The following ZC3H13 variants were observed in gnomAD, a reference collection of about 807,000 sequenced individuals.
ZC3H13 encodes the protein zinc finger CCCH-type containing 13, also known as zinc finger CCCH domain-containing protein 13.
Under a neutral mutation model 204.1 loss-of-function variants are expected in ZC3H13, and 64 were observed. The ratio of observed to expected loss-of-function variants is 0.31; its 90% confidence interval spans 0.26 to 0.39. The LOEUF is 0.39. Among genes scored for constraint, ZC3H13 ranks in the 10% least tolerant of loss-of-function variants. ZC3H13 has a pLI of 1.00. For synonymous variants in ZC3H13, 667 were observed against 693.7 expected (o/e 0.96, Z 0.60); for missense variants, 1,833 against 2,082.7 (o/e 0.88, Z 2.33).
chr13:46,000,499 G>A (rs1214362839), intron 8 of ZC3H13, among the ~76,000 whole-genome samples: 1 of 152,092 alleles, frequency 6.6e-6, no homozygotes, highest in Non-Finnish European at 1.5e-5. Flanking sequence ...CTTTTTTCCT[G>A]CAGCTTCCTT....
chr13:45,968,148 T>C, intron 14 of ZC3H13, 120 bp from the exon 15 acceptor site: 1 of 966,678 alleles, frequency 1.0e-6, no homozygotes, highest in Non-Finnish European at 1.5e-6. Flanking sequence ...TGTAACTTTC[T>C]ATGTTCCATA....
At chr13:46,033,246 G>A (rs780321610) in intron 4 of ZC3H13, among the ~76,000 whole-genome samples, 1 of 151,934 alleles carries the variant, frequency 6.6e-6, no homozygotes, top group Non-Finnish European at 1.5e-5. Flanking sequence ...TATCAATTTG[G>A]TGGTTTAACC....
At chr13:45,992,055 T>G (rs974218447) in intron 8 of ZC3H13, among the ~76,000 whole-genome samples, 1 of 152,204 alleles carries the variant, frequency 6.6e-6, no homozygotes, top group Non-Finnish European at 1.5e-5. Flanking sequence ...GCTTACATAA[T>G]GCACTAACAT....
At chr13:46,016,741 A>G (rs964129614) in intron 5 of ZC3H13, among the ~76,000 whole-genome samples, 1 of 152,202 alleles carries the variant, frequency 6.6e-6, no homozygotes, top group Non-Finnish European at 1.5e-5. Context: ...ATACTTCAGT[A>G]GAAAAACTTT....
intron 4 of ZC3H13, among the ~76,000 whole-genome samples, chr13:46,040,392 T>A (rs1304394981): frequency 6.6e-6 from 1 of 152,052 alleles, no homozygotes; most frequent in Non-Finnish European, 1.5e-5. Flanking sequence ...GATATCCACA[T>A]GCAAAAGAAT....
At chr13:46,032,650 A>AT (rs1481950706) in intron 4 of ZC3H13, among the ~76,000 whole-genome samples, 5 of 152,176 alleles carry the variant, frequency 3.3e-5, no homozygotes, top group Admixed American at 6.5e-5. Flanking sequence ...CTAGAGATTT[A>AT]TATTTCCCTA....
chr13:45,957,196 T>C lies in ZC3H13; in HGVS notation c.4941A>G (p.Pro1647=). 2 of 1,549,160 alleles carry C rather than the reference T, an allele frequency of 1.3e-6. No individual in the cohort carries two copies. The highest frequency in any genetic ancestry group is 1.7e-6 in the Non-Finnish European group (2 of 1,146,230). Residue 1647 remains proline (P), a synonymous_variant, in exon 19 of 19, where the codon CCA becomes CCG. Coordinates refer to ENST00000679008, the MANE Select transcript of ZC3H13 (RefSeq NM_001330564.2). ...TATTATCTTCAGTCTTTTCATGTCC[T>C]GGAGCATGGCAAGTAGTCTTCCGCT... The part of the protein sequence containing the change: ...LFKRKTTCHA[P]GHEKTEDNKL...
intron 5 of ZC3H13, among the ~76,000 whole-genome samples, chr13:46,012,299 C>A (rs184961722): frequency 1.3e-5 from 2 of 152,068 alleles, no homozygotes; most frequent in Admixed American, 1.3e-4. Context: ...GGCACTAGCA[C>A]CCAAACCCAT....
intron 4 of ZC3H13, among the ~76,000 whole-genome samples, chr13:46,036,026 T>A (rs2043187691): frequency 6.6e-6 from 1 of 152,008 alleles, no homozygotes; most frequent in Admixed American, 6.6e-5. Flanking sequence ...CTCACAACTG[T>A]AATCCCAACA....
chr13:46,010,525 G>A lies in ZC3H13; in HGVS notation c.589-20C>T, dbSNP rs754293769. The A allele has an allele frequency of 1.0e-4, 159 of 1,596,836 alleles. No homozygotes were observed. Among genetic ancestry groups the A allele is most frequent in the Non-Finnish European group, 1.3e-4 (152 of 1,167,204 alleles). On this transcript the variant is annotated intron_variant, in intron 6 of 18. Transcript: ENST00000679008. ...TGAAACCTTTAAAAAAATTCAGTAA[G>A]TCAATTCAGAAATTCCTCCACTTAT... is the stretch of plus-strand genomic sequence containing the variant.
chr13:46,041,929 C>T (rs541899746), intron 4 of ZC3H13, among the ~76,000 whole-genome samples: 4 of 152,202 alleles, frequency 2.6e-5, no homozygotes, highest in African/African-American at 9.6e-5. Context: ...AAAATCCCTA[C>T]TAAGTTCAGC....
chr13:46,005,850 T>C (rs2041102499), intron 7 of ZC3H13, among the ~76,000 whole-genome samples: 1 of 152,072 alleles, frequency 6.6e-6, no homozygotes, highest in South Asian at 2.1e-4. Flanking sequence ...TCCCAGCACT[T>C]TGAAAGGCCA....
intron 8 of ZC3H13, among the ~76,000 whole-genome samples, chr13:45,997,724 T>C (rs1473141447): frequency 2.6e-5 from 4 of 152,164 alleles, no homozygotes; most frequent in Non-Finnish European, 4.4e-5. Context: ...GCCATGTGTA[T>C]GCACACCTAT....
chr13:46,016,781 G>A (rs1177841675), intron 5 of ZC3H13, among the ~76,000 whole-genome samples: 2 of 152,130 alleles, frequency 1.3e-5, no homozygotes, highest in African/African-American at 2.4e-5. Context: ...CTTTAAAGTG[G>A]GGGATTAATT....
intron 9 of ZC3H13, 65 bp from the exon 10 acceptor site, chr13:45,985,826 T>C (rs1303737451): frequency 2.2e-6 from 3 of 1,387,170 alleles, no homozygotes; most frequent in Admixed American, 2.3e-5. Context: ...CTAGAAAACA[T>C]ATTTAATACA....
chr13:46,016,300 G>T (rs2041905000), intron 5 of ZC3H13, among the ~76,000 whole-genome samples: 1 of 152,046 alleles, frequency 6.6e-6, no homozygotes, highest in Admixed American at 6.6e-5. Context: ...ACCTTATTAT[G>T]CATAATAGCA....
At chr13:46,031,236 A>T (rs1280840738) in intron 4 of ZC3H13, among the ~76,000 whole-genome samples, 1 of 152,042 alleles carries the variant, frequency 6.6e-6, no homozygotes, top group African/African-American at 2.4e-5. Flanking sequence ...CAAAAAAAAT[A>T]AATAAATAAA....
At chr13:45,989,609 G>C (rs1006330658) in intron 8 of ZC3H13, among the ~76,000 whole-genome samples, 4 of 152,194 alleles carry the variant, frequency 2.6e-5, no homozygotes, top group Non-Finnish European at 5.9e-5. Flanking sequence ...AAGAATCCTA[G>C]AATTAAGGAA....
intron 7 of ZC3H13, among the ~76,000 whole-genome samples, chr13:46,007,716 C>T (rs1282674683): frequency 2.6e-5 from 4 of 152,184 alleles, no homozygotes; most frequent in African/African-American, 9.7e-5. Flanking sequence ...AGATCTTCAA[C>T]ATTTAAAAAG....
Sources: allele counts gnomAD v4.1 joint callset (sites outside exome capture counted in the v4.1 genomes callset), GRCh38; gene constraint gnomAD v4.1.1; transcripts MANE v1.5; gene names NCBI Gene and HGNC (gene_info 2026-07-23, HGNC 2026-07-21).